ADAMTS3: variants seen among roughly 807,000 people sequenced by gnomAD.
ADAMTS3 encodes the protein ADAM metallopeptidase with thrombospondin type 1 motif 3.
Under a neutral mutation model 129.0 loss-of-function variants are expected in ADAMTS3, and 73 were observed. The observed-to-expected ratio is 0.57, with a 90% CI of 0.47 to 0.69. The LOEUF is 0.69. Among genes scored for constraint, ADAMTS3 ranks in the 30% least tolerant of loss-of-function variants. The pLI, the probability that ADAMTS3 is intolerant of heterozygous loss-of-function variation, is 0.00. For missense variants in ADAMTS3, 1,457 were observed against 1,514.5 expected (o/e 0.96, Z 0.63); for synonymous variants, 477 against 510.8 (o/e 0.93, Z 0.89).
chr4:72,500,718 G>A, intron 3 of ADAMTS3, among the ~76,000 whole-genome samples: 1 of 152,010 alleles, frequency 6.6e-6, no homozygotes, highest in East Asian at 1.9e-4. Context: ...GTATTTCCCA[G>A]GTTTTCTTCA....
chr4:72,478,798 T>C (rs1418455809), intron 3 of ADAMTS3, among the ~76,000 whole-genome samples: 2 of 151,914 alleles, frequency 1.3e-5, no homozygotes, highest in African/African-American at 2.4e-5. Context: ...AAAACCCCAT[T>C]GTCTCAGCCC....
intron 5 of ADAMTS3, among the ~76,000 whole-genome samples, chr4:72,332,988 C>T (rs916168674): frequency 3.3e-5 from 5 of 152,082 alleles, no homozygotes; most frequent in Admixed American, 1.3e-4. Flanking sequence ...GCTCAGAAGG[C>T]AGATATAGAT....
intron 3 of ADAMTS3, among the ~76,000 whole-genome samples, chr4:72,443,966 G>A (rs1440795727): frequency 1.3e-5 from 2 of 151,596 alleles, no homozygotes; most frequent in Non-Finnish European, 3.0e-5. Context: ...TATTTATGGG[G>A]CCAAAATAAA....
At position 72,541,129 on chromosome 4, in the gene ADAMTS3, C is replaced by T. The variant is rs139525388; in HGVS notation, c.504+7349G>A. Among the ~76,000 whole-genome samples the T allele has an allele frequency of 6.4e-4, 97 of 152,298 alleles. 1 individual carries two copies. The East Asian group carries it at 0.015, about 24-fold the overall frequency. ...AGGAAGGCTGTACCCTGCAGAGCCA[C>T]AGGGGATGGAGCTGCCCAAGACCAT... On this transcript the variant is annotated intron_variant, in intron 3 of 21. Transcript: ENST00000286657.
Position 72,282,252 on chromosome 4 carries a change from C to T in ADAMTS3, c.*884G>A, listed in dbSNP as rs1718369239. 3 of 152,086 alleles carry T rather than the reference C, an allele frequency of 2.0e-5. No homozygotes were observed. The South Asian group carries it at 6.2e-4, about 32-fold the overall frequency. 9.4% of individuals were successfully genotyped at this position (152,086 alleles called of 1,614,324 possible). On this transcript the variant is annotated 3_prime_UTR_variant, in exon 22 of 22. Transcript: ENST00000286657. The stretch of plus-strand genomic sequence containing the variant: ...AAAAACAAAGGACACCTCAACGGTG[C>T]CTACTGAGGTCCTGGAAAGAGGGTT...
At chr4:72,285,533 A>G (rs1718482917) in intron 21 of ADAMTS3, among the ~76,000 whole-genome samples, 1 of 152,046 alleles carries the variant, frequency 6.6e-6, no homozygotes, top group Admixed American at 6.6e-5. Context: ...GGCCCCTCTT[A>G]GAAGTACGAC....
chr4:72,335,793 C>T (rs1386482270), intron 5 of ADAMTS3, among the ~76,000 whole-genome samples: 1 of 152,090 alleles, frequency 6.6e-6, no homozygotes, highest in African/African-American at 2.4e-5. Context: ...ACACTGCTCC[C>T]ATTATATCAT....
At chr4:72,298,142 T>G (rs776424398) in intron 18 of ADAMTS3, 135 bp downstream of exon 18, 1 of 635,616 alleles carries the variant, frequency 1.6e-6, no homozygotes, top group African/African-American at 1.8e-5. Flanking sequence ...TAAAAATGTT[T>G]TGTATTGATG....
chr4:72,401,863 C>T (rs562081088), intron 4 of ADAMTS3, among the ~76,000 whole-genome samples: 72 of 152,124 alleles, frequency 4.7e-4, no homozygotes, highest in African/African-American at 1.4e-3. Context: ...GATGAGGAAT[C>T]GTAAGCACTG....
intron 3 of ADAMTS3, among the ~76,000 whole-genome samples, chr4:72,523,331 C>T (rs755523706): frequency 9.2e-5 from 14 of 152,004 alleles, no homozygotes; most frequent in Non-Finnish European, 1.5e-4. Flanking sequence ...AAAGTTCCTT[C>T]CTGTTAACAC....
At chr4:72,515,032 G>A (rs1323197368) in intron 3 of ADAMTS3, among the ~76,000 whole-genome samples, 3 of 151,742 alleles carry the variant, frequency 2.0e-5, no homozygotes, top group South Asian at 4.2e-4. Context: ...TCCCCTTCCT[G>A]TGTCCATGTG....
intron 4 of ADAMTS3, among the ~76,000 whole-genome samples, chr4:72,403,164 G>T (rs1050554161): frequency 6.6e-6 from 1 of 152,022 alleles, no homozygotes; most frequent in Non-Finnish European, 1.5e-5. Flanking sequence ...AATTGAAGAA[G>T]ACTAAAACAG....
chr4:72,528,410 C>A (rs1158991553), intron 3 of ADAMTS3, among the ~76,000 whole-genome samples: 1 of 149,826 alleles, frequency 6.7e-6, no homozygotes, highest in Non-Finnish European at 1.5e-5. Flanking sequence ...TGGAAGCAAT[C>A]AATATGTTGA....
intron 4 of ADAMTS3, among the ~76,000 whole-genome samples, chr4:72,354,243 T>C (rs543623244): frequency 6.6e-6 from 1 of 152,068 alleles, no homozygotes; most frequent in East Asian, 1.9e-4. Context: ...AGAAGTGTCA[T>C]CCTCCCAACC....
intron 3 of ADAMTS3, among the ~76,000 whole-genome samples, chr4:72,454,711 C>T (rs1459169722): frequency 6.6e-6 from 1 of 151,552 alleles, no homozygotes; most frequent in Non-Finnish European, 1.5e-5. Flanking sequence ...ATTAACAACA[C>T]TAGGAGGATC....
intron 3 of ADAMTS3, among the ~76,000 whole-genome samples, chr4:72,431,395 A>G (rs970858223): frequency 2.6e-5 from 4 of 152,006 alleles, no homozygotes; most frequent in African/African-American, 9.7e-5. Flanking sequence ...AAGCATTCTT[A>G]ATCTTAAAAT....
intron 3 of ADAMTS3, among the ~76,000 whole-genome samples, chr4:72,510,905 C>A (rs1720297635): frequency 6.8e-6 from 1 of 147,726 alleles, no homozygotes; most frequent in Admixed American, 6.8e-5. Flanking sequence ...AACAAAACAG[C>A]ATGATACTGG....
At chr4:72,541,619 A>G (rs1305892909) in intron 3 of ADAMTS3, among the ~76,000 whole-genome samples, 1 of 152,154 alleles carries the variant, frequency 6.6e-6, no homozygotes, top group Non-Finnish European at 1.5e-5. Context: ...GGAGGTACTC[A>G]GTGAGAGGTA....
chr4:72,287,223 G>A (rs2109766545), intron 21 of ADAMTS3, among the ~76,000 whole-genome samples: 1 of 152,128 alleles, frequency 6.6e-6, no homozygotes, highest in South Asian at 2.1e-4. Context: ...CTGATGCCTT[G>A]ATCATGGGCT....
Sources: gnomAD v4.1 joint callset for allele counts (sites outside exome capture counted in the v4.1 genomes callset) on GRCh38, gnomAD v4.1.1 for gene constraint, MANE v1.5 for transcripts, NCBI Gene and HGNC (gene_info 2026-07-23, HGNC 2026-07-21) for gene names.